SRGAP3: variants seen among roughly 807,000 people sequenced by gnomAD.
The protein encoded by SRGAP3 is SLIT-ROBO Rho GTPase-activating protein 3.
Under a neutral mutation model 121.1 loss-of-function variants are expected in SRGAP3, and 39 were observed. The ratio of observed to expected loss-of-function variants is 0.32; its 90% confidence interval spans 0.25 to 0.42. The LOEUF (loss-of-function observed/expected upper bound fraction) is 0.42. Among genes scored for constraint, SRGAP3 ranks in the 10% least tolerant of loss-of-function variants. SRGAP3 has a pLI of 1.00. For synonymous variants in SRGAP3, 601 were observed against 570.0 expected, an observed-to-expected ratio of 1.05 and a Z score of -0.77; for missense variants, 1,213 against 1,470.6, an observed-to-expected ratio of 0.82 and a Z score of 2.86.
At chr3:9,023,784 C>T (rs909511912) in intron 14 of SRGAP3, among the ~76,000 whole-genome samples, 2 of 152,080 alleles carry the variant, frequency 1.3e-5, no homozygotes, top group African/African-American at 4.8e-5. Context: ...TCCTGGGGCT[C>T]CCTGGTTCTA....
Position 9,335,138 on chromosome 3 carries a change from T to G in SRGAP3, n.215-4542A>C, listed in dbSNP as rs73126632. ...CTATTTTGTGGGTTTTCTCAGCAGT[T>G]TTTCTGCTGGTTTTGCCTGGGCTCA... On this transcript the variant is annotated intron_variant and non_coding_transcript_variant, in intron 1 of 3. Transcript: ENST00000490889. Among the ~76,000 whole-genome samples the G allele has an allele frequency of 8.6e-3, 1,306 of 152,308 alleles. 29 individuals carry two copies. The highest frequency in any genetic ancestry group is 0.03 in the African/African-American group (1,253 of 41,562).
chr3:9,077,044 T>C (rs1201887229), intron 4 of SRGAP3, among the ~76,000 whole-genome samples: 4 of 152,162 alleles, frequency 2.6e-5, no homozygotes, highest in African/African-American at 9.7e-5. Context: ...ACATGTGCCA[T>C]GTTGGTTTGC....
chr3:9,026,852 A>G, intron 13 of SRGAP3, 83 bp downstream of exon 13: 1 of 1,498,256 alleles, frequency 6.7e-7, no homozygotes, highest in Non-Finnish European at 9.3e-7. Context: ...CTTCCAGGAC[A>G]AATTAGAATC....
At chr3:9,197,122 C>T (rs563724475) in intron 1 of SRGAP3, among the ~76,000 whole-genome samples, 5 of 152,298 alleles carry the variant, frequency 3.3e-5, no homozygotes, top group Admixed American at 1.3e-4. Flanking sequence ...AAAAGGGATT[C>T]GTATAGATGA....
intron 15 of SRGAP3, chr3:9,014,216 T>A (rs947796342): frequency 6.1e-6 from 2 of 327,542 alleles, no homozygotes; most frequent in Non-Finnish European, 1.2e-5. Context: ...ATATATCTGC[T>A]GATGCCGTGT....
intron 1 of SRGAP3, among the ~76,000 whole-genome samples, chr3:9,155,988 TG>T (rs1430213780): frequency 6.6e-6 from 1 of 152,136 alleles, no homozygotes; most frequent in East Asian, 1.9e-4. Context: ...GCTAATTTTT[TG>T]TATTTTTAGT....
intron 3 of SRGAP3, among the ~76,000 whole-genome samples, chr3:9,306,632 A>G (rs1260875171): frequency 6.6e-6 from 1 of 152,166 alleles, no homozygotes; most frequent in Admixed American, 6.5e-5. Flanking sequence ...CTTTCTACCT[A>G]TGGCTAGCCA....
intron 3 of SRGAP3, among the ~76,000 whole-genome samples, chr3:9,273,269 G>T (rs1574962656): frequency 6.6e-6 from 1 of 152,144 alleles, no homozygotes; most frequent in East Asian, 1.9e-4. Context: ...GTCACCTTCT[G>T]CTCTGCGGCC....
Position 9,060,468 on chromosome 3 carries a change from C to G in SRGAP3, c.673-109G>C, listed in dbSNP as rs1355585656. On this transcript the variant is annotated intron_variant, in intron 5 of 21. Coordinates refer to ENST00000383836, the MANE Select transcript of SRGAP3 (RefSeq NM_014850.4). Reference sequence around the variant, plus strand: ...TTGAGACAGGGTGTTGCTCTGTCACCCAGGTGAGAGTGCAGTGGTGTGATC... The same window carrying G: ...TTGAGACAGGGTGTTGCTCTGTCACGCAGGTGAGAGTGCAGTGGTGTGATC... 5.0e-6 allele frequency: 7 copies of G among 1,410,048 alleles called. No homozygotes were observed. In the South Asian group the frequency reaches 6.1e-5, roughly 12 times the overall value. 87.3% of individuals were successfully genotyped at this position (1,410,048 alleles called of 1,614,324 possible).
chr3:9,332,699 A>T (rs551422458), intron 1 of SRGAP3, among the ~76,000 whole-genome samples: 1 of 152,370 alleles, frequency 6.6e-6, no homozygotes, highest in African/African-American at 2.4e-5. Context: ...TTGCTTTTAA[A>T]AACACATTAG....
At chr3:9,052,847 T>C (rs13091604) in intron 9 of SRGAP3, among the ~76,000 whole-genome samples, 180 bp downstream of exon 9, 32,402 of 152,164 alleles carry the variant, frequency 0.21, 3,798 homozygotes, top group Non-Finnish European at 0.28. Flanking sequence ...CATTGGGAAT[T>C]CACTTTCTGC....
chr3:9,345,331 A>C (rs1955864615), intron 1 of SRGAP3, among the ~76,000 whole-genome samples: 1 of 151,762 alleles, frequency 6.6e-6, no homozygotes, highest in Admixed American at 6.6e-5. Flanking sequence ...GTCCCTGCAA[A>C]AATAAAAATA....
At chr3:9,007,889 C>G (rs1471999546) in intron 18 of SRGAP3, 1 of 152,108 alleles carries the variant, frequency 6.6e-6, no homozygotes, top group African/African-American at 2.4e-5. Context: ...ACTGTTTGGC[C>G]AGGGATGGCA....
chr3:9,295,038 A>G (rs1359307570), intron 3 of SRGAP3, among the ~76,000 whole-genome samples: 3 of 152,140 alleles, frequency 2.0e-5, no homozygotes, highest in Non-Finnish European at 4.4e-5. Flanking sequence ...AAAGATGCAA[A>G]AAGTGAGGTT....
At chr3:9,041,800 C>T (rs915889512) in intron 10 of SRGAP3, among the ~76,000 whole-genome samples, 14 of 152,128 alleles carry the variant, frequency 9.2e-5, no homozygotes, top group African/African-American at 3.4e-4. Flanking sequence ...CATTACAAAA[C>T]GTTAAGAGAA....
chr3:9,134,561 G>A (rs1949575359), intron 1 of SRGAP3, among the ~76,000 whole-genome samples: 1 of 152,000 alleles, frequency 6.6e-6, no homozygotes, highest in Non-Finnish European at 1.5e-5. Context: ...GAGGGGAAAT[G>A]GCTTGCCCAA....
rs386395913 is a variant in SRGAP3, at chr3:9,257,698, C to CTT, written n.442+68310_442+68311dup. 4.9e-4 allele frequency among the ~76,000 whole-genome samples: 36 copies of CTT among 73,246 alleles called. 5 individuals are homozygous for CTT. The highest frequency in any genetic ancestry group is 4.4e-3 in the East Asian group (9 of 2,068). 48.1% of individuals were successfully genotyped at this position (73,246 alleles called of 152,430 possible). ...ACTCACTCATTAAACAAAATAGCTC[C>CTT]TTTTTTTTTTTTTTTTTTTTTTTTT... On this transcript the variant is annotated intron_variant and non_coding_transcript_variant, in intron 3 of 3. Coordinates refer to the SRGAP3 transcript ENST00000490889.
Position 8,994,048 on chromosome 3 carries a change from A to G in SRGAP3, c.2408+295T>C, listed in dbSNP as rs151231556. 7.9e-5 allele frequency: 36 copies of G among 456,318 alleles called. No individual in the cohort carries two copies. The East Asian group carries it at 1.6e-3, about 20-fold the overall frequency. 28.3% of individuals were successfully genotyped at this position (456,318 alleles called of 1,614,324 possible). A position where few individuals can be genotyped will look rare whatever the true frequency, so the allele number is the denominator to read the frequency against. On this transcript the variant is annotated intron_variant, in intron 19 of 21. Transcript: ENST00000383836. ...GGAGGCACATGGCAGGATCCCCTGG[A>G]TACTGAGAGCCCTGGTGGGTGATGG...
intron 1 of SRGAP3, among the ~76,000 whole-genome samples, chr3:9,160,267 C>G (rs78056989): frequency 2.6e-5 from 4 of 152,204 alleles, no homozygotes; most frequent in Admixed American, 1.3e-4. Flanking sequence ...TTCACCTCCC[C>G]CTAAGTGTGG....
Sources: gnomAD v4.1 joint callset for allele counts (sites outside exome capture counted in the v4.1 genomes callset) on GRCh38, gnomAD v4.1.1 for gene constraint, MANE v1.5 for transcripts, NCBI Gene and HGNC (gene_info 2026-07-23, HGNC 2026-07-21) for gene names.